The following CC2D2A variants were observed in gnomAD, a reference collection of about 807,000 sequenced individuals.
CC2D2A encodes the protein coiled-coil and C2 domain containing 2A.
CC2D2A carries 155 observed loss-of-function variants against 212.9 expected under a neutral mutation model. The ratio of observed to expected loss-of-function variants is 0.73; its 90% CI spans 0.64 to 0.83. The LOEUF (loss-of-function observed/expected upper bound fraction) is 0.83. Ranked by LOEUF, CC2D2A falls within the 40% of genes least tolerant of loss-of-function variation. CC2D2A has a pLI of 0.00. For missense variants in CC2D2A, 1,856 were observed against 1,956.2 expected, an observed-to-expected ratio of 0.95 and a Z score of 0.97; for synonymous variants, 667 against 686.5, an observed-to-expected ratio of 0.97 and a Z score of 0.44.
intron 4 of CC2D2A, among the ~76,000 whole-genome samples, chr4:15,487,398 T>G (rs1037354350): frequency 6.6e-6 from 1 of 152,130 alleles, no homozygotes; most frequent in Non-Finnish European, 1.5e-5. Context: ...TATAATGACC[T>G]TCTTTGTCTC....
intron 1 of CC2D2A, among the ~76,000 whole-genome samples, chr4:15,472,680 G>A (rs1190745496): frequency 6.9e-6 from 1 of 145,506 alleles, no homozygotes; most frequent in Non-Finnish European, 1.5e-5. Flanking sequence ...AATGACCAGA[G>A]TTGTTCATTA....
At chr4:15,506,060 G>T (rs1235584610) in intron 6 of CC2D2A, among the ~76,000 whole-genome samples, 3 of 152,162 alleles carry the variant, frequency 2.0e-5, no homozygotes, top group African/African-American at 7.2e-5. Context: ...AAATTTAAGG[G>T]TGAGAAAGAA....
chr4:15,563,024 G>A (rs1464228306), intron 23 of CC2D2A, among the ~76,000 whole-genome samples: 1 of 152,220 alleles, frequency 6.6e-6, no homozygotes, highest in Non-Finnish European at 1.5e-5. Flanking sequence ...TCCCTCTGCA[G>A]GACTGGCCCA....
At chr4:15,481,735 T>A (rs1714679047) in intron 4 of CC2D2A, 1 of 954,942 alleles carries the variant, frequency 1.0e-6, no homozygotes, top group Non-Finnish European at 1.2e-6. Flanking sequence ...CAGATATTCC[T>A]TTATAGCAAT....
At chr4:15,541,353 T>G (rs757558624) in intron 17 of CC2D2A, among the ~76,000 whole-genome samples, 1 of 152,030 alleles carries the variant, frequency 6.6e-6, no homozygotes, top group African/African-American at 2.4e-5. Context: ...ATTATTATTA[T>G]AGTTACTGCC....
At chr4:15,516,198 C>A (rs927226826) in intron 10 of CC2D2A, among the ~76,000 whole-genome samples, 194 bp downstream of exon 10, 25 of 152,036 alleles carry the variant, frequency 1.6e-4, no homozygotes, top group African/African-American at 5.8e-4. Context: ...AACTTCTCAA[C>A]TGCTCAAAAC....
intron 32 of CC2D2A, 80 bp downstream of exon 32, chr4:15,588,009 T>C: frequency 1.4e-6 from 1 of 737,446 alleles, no homozygotes; most frequent in East Asian, 2.7e-5. Flanking sequence ...ACACAGGACA[T>C]ATTTTCATAA....
intron 20 of CC2D2A, 32 bp downstream of exon 20, chr4:15,555,242 T>G (rs1332132475): frequency 6.2e-7 from 1 of 1,603,866 alleles, no homozygotes; most frequent in African/African-American, 1.3e-5. Context: ...TGCCATTTCT[T>G]GACTTGGCCT....
chr4:15,488,047 T>C (rs1560146197), intron 4 of CC2D2A, among the ~76,000 whole-genome samples: 1 of 152,176 alleles, frequency 6.6e-6, no homozygotes, highest in African/African-American at 2.4e-5. Context: ...TTATTTTTGA[T>C]AGGTTTTTCT....
chr4:15,529,963 T>G (rs1398497589), intron 13 of CC2D2A, among the ~76,000 whole-genome samples: 2 of 151,040 alleles, frequency 1.3e-5, no homozygotes, highest in African/African-American at 4.8e-5. Context: ...TACATACGCA[T>G]TTCTTTTTTA....
intron 17 of CC2D2A, among the ~76,000 whole-genome samples, chr4:15,547,968 G>A (rs1271463457): frequency 6.6e-6 from 1 of 152,060 alleles, no homozygotes; most frequent in African/African-American, 2.4e-5. Context: ...GAACTCAGGA[G>A]GTGGAAGTTG....
At chr4:15,545,964 G>T (rs1379726640) in intron 17 of CC2D2A, among the ~76,000 whole-genome samples, 1 of 152,078 alleles carries the variant, frequency 6.6e-6, no homozygotes, top group Non-Finnish European at 1.5e-5. Context: ...TAAAAAATTA[G>T]CTGGGCATGG....
At chr4:15,478,098 A>G (rs1450829323) in intron 2 of CC2D2A, among the ~76,000 whole-genome samples, 1 of 152,248 alleles carries the variant, frequency 6.6e-6, no homozygotes, top group Non-Finnish European at 1.5e-5. Flanking sequence ...TAGACTTTAG[A>G]GCTTTCAGCT....
intron 13 of CC2D2A, among the ~76,000 whole-genome samples, chr4:15,531,741 C>CT (rs1431095867): frequency 6.6e-6 from 1 of 151,990 alleles, no homozygotes; most frequent in African/African-American, 2.4e-5. Flanking sequence ...GCTAAGAGCT[C>CT]TTTTTAGCAT....
In CC2D2A at chr4:15,537,946, T is replaced by C. The variant is rs771792420; in HGVS notation, c.1812T>C (p.Gly604=). 2 of 1,608,976 alleles carry C rather than the reference T, an allele frequency of 1.2e-6. No homozygotes were observed. Among genetic ancestry groups the C allele is most frequent in the Admixed American group, 1.7e-5 (1 of 59,434 alleles). ...KRKQAAEEHP[G]DEIAEPYPEE... ...AACAAGCAGCAGAAGAACATCCCGG[T>C]GATGAGATTGCAGAGCCGTATCCCG... Residue 604 remains glycine (G), a synonymous_variant, in exon 16 of 37, where the codon GGT becomes GGC. Coordinates refer to ENST00000424120, the MANE Select transcript of CC2D2A (RefSeq NM_001378615.1).
intron 14 of CC2D2A, among the ~76,000 whole-genome samples, chr4:15,536,699 G>A (rs1467115293): frequency 6.6e-6 from 1 of 152,106 alleles, no homozygotes; most frequent in South Asian, 2.1e-4. Context: ...CTCACCAGCT[G>A]TGTGTTCTTG....
At chr4:15,573,938 C>G (rs769367841) in intron 28 of CC2D2A, among the ~76,000 whole-genome samples, 1 of 152,184 alleles carries the variant, frequency 6.6e-6, no homozygotes, top group Non-Finnish European at 1.5e-5. Context: ...ATTCAGTACA[C>G]CCTCTGCTAA....
intron 4 of CC2D2A, among the ~76,000 whole-genome samples, chr4:15,500,696 G>A (rs1435537414): frequency 6.6e-6 from 1 of 152,176 alleles, no homozygotes; most frequent in Admixed American, 6.5e-5. Flanking sequence ...TGAGGCTGGT[G>A]ACTGTTGTCT....
intron 4 of CC2D2A, among the ~76,000 whole-genome samples, chr4:15,488,004 T>C (rs1205732200): frequency 1.3e-5 from 2 of 152,136 alleles, no homozygotes; most frequent in African/African-American, 4.8e-5. Flanking sequence ...TATCTTTTTG[T>C]ACTGTCTATC....
Sources: gnomAD v4.1 joint callset for allele counts (sites outside exome capture counted in the v4.1 genomes callset) on GRCh38, gnomAD v4.1.1 for gene constraint, MANE v1.5 for transcripts, NCBI Gene and HGNC (gene_info 2026-07-23, HGNC 2026-07-21) for gene names.